TIMD4: variants seen among roughly 807,000 people sequenced by gnomAD.
The protein encoded by TIMD4 is T-cell immunoglobulin and mucin domain-containing protein 4.
TIMD4 carries 31 observed loss-of-function variants against 41.2 expected under a neutral mutation model. The observed-to-expected ratio is 0.75, with a 90% CI of 0.57 to 1.01. The LOEUF is 1.01. Among genes scored for constraint, TIMD4 ranks in the 50% least tolerant of loss-of-function variants. The probability of loss-of-function intolerance (pLI) is 0.00; values close to 1 mark genes in which losing one functional copy is unlikely to be tolerated. For synonymous variants in TIMD4, 204 were observed against 177.1 expected (o/e 1.15, Z -1.21); for missense variants, 479 against 472.5 (o/e 1.01, Z -0.13).
chr5:156,928,352 A>G (rs75023894), intron 5 of TIMD4, among the ~76,000 whole-genome samples: 4,133 of 151,996 alleles, frequency 0.027, 135 homozygotes, highest in African/African-American at 0.08. Context: ...AAGAGCAGGG[A>G]TCCTGGAAAA....
At chr5:156,947,514 T>C (rs367609662) in intron 5 of TIMD4, among the ~76,000 whole-genome samples, 1 of 152,170 alleles carries the variant, frequency 6.6e-6, no homozygotes, top group Non-Finnish European at 1.5e-5. Context: ...GCACTGTTTA[T>C]AAAAAGGAAA....
At chr5:156,949,804 G>T in intron 3 of TIMD4, 73 bp from the exon 4 acceptor site, 1 of 912,606 alleles carries the variant, frequency 1.1e-6, no homozygotes, top group Non-Finnish European at 1.8e-6. Flanking sequence ...GGTGGGATTT[G>T]GGATTATCTT....
intron 5 of TIMD4, among the ~76,000 whole-genome samples, chr5:156,943,953 A>G (rs1283411087): frequency 6.6e-6 from 1 of 151,662 alleles, no homozygotes; most frequent in Non-Finnish European, 1.5e-5. Flanking sequence ...CCAGTTACTC[A>G]GGAGGCTGAG....
At chr5:156,938,299 T>A (rs1581619301) in intron 5 of TIMD4, among the ~76,000 whole-genome samples, 1 of 152,286 alleles carries the variant, frequency 6.6e-6, no homozygotes, top group African/African-American at 2.4e-5. Flanking sequence ...AACTGCCTTC[T>A]TGGGACCAGG....
chr5:156,962,005 T>C (rs919740387), intron 1 of TIMD4, among the ~76,000 whole-genome samples: 2 of 151,986 alleles, frequency 1.3e-5, no homozygotes, highest in African/African-American at 4.8e-5. Flanking sequence ...TTCCCACTCA[T>C]ACATGAGAGC....
chr5:156,963,177 G>T lies in TIMD4; in HGVS notation c.22C>A (p.Leu8Ile), dbSNP rs1317417880. The part of the protein sequence containing the change: MSKEPLI[L>I]WLMIEFWWLY... ...CACCAAAACTCAATCATCAGCCAGA[G>T]AATGAGAGGTTCTTTGGACATTTTG... is the stretch of plus-strand genomic sequence containing the variant. The change falls in exon 1 of 9, where the codon CTC becomes ATC. Residue 8 changes from leucine to isoleucine, a missense_variant. Coordinates refer to ENST00000274532, the MANE Select transcript of TIMD4 (RefSeq NM_138379.3). The T allele has an allele frequency of 6.2e-7, 1 of 1,614,180 alleles. No individual in the cohort carries two copies. Among genetic ancestry groups the T allele is most frequent in the South Asian group, 1.1e-5 (1 of 91,080 alleles).
chr5:156,920,225 C>T (rs894950050), intron 8 of TIMD4, among the ~76,000 whole-genome samples: 3 of 152,170 alleles, frequency 2.0e-5, no homozygotes, highest in Admixed American at 1.3e-4. Flanking sequence ...CTTTCTTTTG[C>T]GTGCTATACT....
At chr5:156,958,495 G>A (rs566477237) in intron 1 of TIMD4, among the ~76,000 whole-genome samples, 1 of 152,260 alleles carries the variant, frequency 6.6e-6, no homozygotes, top group South Asian at 2.1e-4. Context: ...TTAGAACACT[G>A]ATAATATTGA....
chr5:156,937,505 G>GCCA (rs1759561994), intron 5 of TIMD4, among the ~76,000 whole-genome samples: 1 of 152,066 alleles, frequency 6.6e-6, no homozygotes. Flanking sequence ...GAGATGTTTT[G>GCCA]GCCTACAGAG....
At chr5:156,929,745 T>C (rs372376386) in intron 5 of TIMD4, among the ~76,000 whole-genome samples, 3 of 152,196 alleles carry the variant, frequency 2.0e-5, no homozygotes, top group East Asian at 1.9e-4. Context: ...TCCGTGGTTT[T>C]AAGTTTGTGG....
intron 6 of TIMD4, among the ~76,000 whole-genome samples, chr5:156,922,629 T>C (rs1205243473): frequency 6.6e-6 from 1 of 152,202 alleles, no homozygotes; most frequent in Non-Finnish European, 1.5e-5. Context: ...GTTCTCAAAG[T>C]CTAGATGGGG....
intron 5 of TIMD4, among the ~76,000 whole-genome samples, chr5:156,937,250 C>G (rs1759557794): frequency 6.6e-6 from 1 of 152,144 alleles, no homozygotes; most frequent in Admixed American, 6.6e-5. Flanking sequence ...CATCTGATTC[C>G]AGGTTCCACT....
chr5:156,961,827 A>AG (rs1753061343), intron 1 of TIMD4, among the ~76,000 whole-genome samples: 2 of 147,022 alleles, frequency 1.4e-5, no homozygotes, highest in Admixed American at 6.7e-5. Context: ...AAAAAAAAAA[A>AG]AAAAAAAAAG....
chr5:156,944,992 C>G (rs1162396741), intron 5 of TIMD4, among the ~76,000 whole-genome samples: 2 of 152,190 alleles, frequency 1.3e-5, no homozygotes, highest in African/African-American at 4.8e-5. Context: ...GGATTTAAAT[C>G]AGCCCACAAC....
chr5:156,936,005 G>A (rs1759533933), intron 5 of TIMD4, among the ~76,000 whole-genome samples: 1 of 152,202 alleles, frequency 6.6e-6, no homozygotes, highest in Admixed American at 6.5e-5. Flanking sequence ...TTGGGAGGCC[G>A]AGGCGGCCAG....
chr5:156,921,198 T>C (rs559735377), intron 7 of TIMD4, among the ~76,000 whole-genome samples: 1 of 152,230 alleles, frequency 6.6e-6, no homozygotes, highest in Admixed American at 6.5e-5. Context: ...CTACAGACCT[T>C]GTCCCCTGAA....
At chr5:156,949,803 T>C in intron 3 of TIMD4, 72 bp from the exon 4 acceptor site, 2 of 913,442 alleles carry the variant, frequency 2.2e-6, no homozygotes, top group South Asian at 2.8e-5. Context: ...TGGTGGGATT[T>C]GGGATTATCT....
chr5:156,957,512 C>CAAAAAAAAAAAAA (rs3068101), intron 1 of TIMD4, among the ~76,000 whole-genome samples: 8 of 113,836 alleles, frequency 7.0e-5, no homozygotes, highest in Non-Finnish European at 8.8e-5. Context: ...GAGTCTATCT[C>CAAAAAAAAAAAAA]AAAAAAAAAA....
intron 1 of TIMD4, among the ~76,000 whole-genome samples, chr5:156,962,679 C>G (rs970577363): frequency 6.6e-6 from 1 of 152,136 alleles, no homozygotes; most frequent in Non-Finnish European, 1.5e-5. Flanking sequence ...ATCCAAAACC[C>G]AAAAACAACG....
Sources: allele counts gnomAD v4.1 joint callset (sites outside exome capture counted in the v4.1 genomes callset), GRCh38; gene constraint gnomAD v4.1.1; transcripts MANE v1.5; gene names NCBI Gene and HGNC (gene_info 2026-07-23, HGNC 2026-07-21).